Variants in GPHN observed in about 807,000 individuals in gnomAD.
GPHN encodes the protein gephyrin.
GPHN carries 17 observed loss-of-function variants against 95.5 expected under a neutral mutation model. The observed-to-expected ratio is 0.18, with a 90% confidence interval of 0.12 to 0.27. The LOEUF (loss-of-function observed/expected upper bound fraction) is 0.27, where lower values mean the gene tolerates loss of function less well. Among genes scored for constraint, GPHN ranks in the 10% least tolerant of loss-of-function variants. The pLI is 1.00. For synonymous variants in GPHN, 320 were observed against 322.5 expected, an observed-to-expected ratio of 0.99 and a Z score of 0.08; for missense variants, 660 against 978.1, an observed-to-expected ratio of 0.67 and a Z score of 4.34.
the GPHN span, among the ~76,000 whole-genome samples, chr14:67,359,492 G>A: frequency 6.6e-6 from 1 of 152,078 alleles, no homozygotes; most frequent in Non-Finnish European, 1.5e-5. Context: ...GGAGGAATGC[G>A]CGAAGAGGCC....
chr14:67,607,171 TTGAG>T, the GPHN span, among the ~76,000 whole-genome samples: 1 of 152,212 alleles, frequency 6.6e-6, no homozygotes, highest in Admixed American at 6.5e-5. Context: ...TAACTCTTAA[TTGAG>T]TAAGTATATA....
chr14:66,682,460 A>C (rs1292860274), intron 2 of GPHN, among the ~76,000 whole-genome samples: 1 of 152,224 alleles, frequency 6.6e-6, no homozygotes, highest in Non-Finnish European at 1.5e-5. Context: ...AATGAATAAA[A>C]TAAATTACTG....
At chr14:67,285,891 T>C in the GPHN span, among the ~76,000 whole-genome samples, 1 of 152,278 alleles carries the variant, frequency 6.6e-6, no homozygotes, top group South Asian at 2.1e-4. Flanking sequence ...ATGTGTATGT[T>C]TGTATTCATC....
chr14:67,643,008 G>T, the GPHN span, among the ~76,000 whole-genome samples: 9 of 151,924 alleles, frequency 5.9e-5, no homozygotes, highest in Admixed American at 1.3e-4. Context: ...TGGCCATGTT[G>T]CCCAGACTGG....
chr14:67,639,201 T>C, the GPHN span, among the ~76,000 whole-genome samples: 9 of 152,220 alleles, frequency 5.9e-5, no homozygotes, highest in African/African-American at 1.9e-4. Context: ...TTTTTTCTAA[T>C]ACAAGTGAGT....
Position 66,508,327 on chromosome 14 carries a change from C to G in GPHN, c.-201C>G, listed in dbSNP as rs2139640766. On this transcript the variant is annotated 5_prime_UTR_variant, in exon 1 of 23. Transcript: ENST00000478722. ...CGCGCCCTGACTCCTTCCCCTCCCG[C>G]GGACCCGCGCACTCCCGGCGCGGCC... 1.6e-6 allele frequency: 1 copy of G among 613,584 alleles called. No individual in the cohort carries two copies. The highest frequency in any genetic ancestry group is 1.9e-5 in the South Asian group (1 of 53,188). 38.0% of individuals were successfully genotyped at this position (613,584 alleles called of 1,614,324 possible).
At chr14:66,857,537 C>A (rs992128148) in intron 4 of GPHN, among the ~76,000 whole-genome samples, 6 of 152,018 alleles carry the variant, frequency 3.9e-5, no homozygotes, top group Non-Finnish European at 8.8e-5. Flanking sequence ...AAGGAAATAA[C>A]GAGAATTGTT....
intron 3 of GPHN, among the ~76,000 whole-genome samples, chr14:66,794,708 C>G (rs1005023148): frequency 1.3e-5 from 2 of 152,008 alleles, no homozygotes; most frequent in African/African-American, 4.8e-5. Flanking sequence ...CCTTTATGGC[C>G]CAGTAGATTG....
chr14:67,208,185 G>A, the GPHN span: 1 of 1,612,348 alleles, frequency 6.2e-7, no homozygotes, highest in Non-Finnish European at 8.5e-7. Context: ...ATTTGCTGCT[G>A]CTTTTTATTT....
intron 8 of GPHN, among the ~76,000 whole-genome samples, chr14:66,954,605 A>G (rs2068355945): frequency 6.6e-6 from 1 of 152,144 alleles, no homozygotes; most frequent in African/African-American, 2.4e-5. Context: ...TCCAATTTGA[A>G]GCCTTTTATT....
In GPHN at chr14:66,785,804, T is replaced by C. The variant is rs931378306; in HGVS notation, c.201+9283T>C. 2.7e-5 allele frequency among the ~76,000 whole-genome samples: 4 copies of C among 148,526 alleles called. No homozygotes were observed. The East Asian group carries it at 7.8e-4, about 29-fold the overall frequency. On this transcript the variant is annotated intron_variant, in intron 3 of 22. Transcript: ENST00000478722. The stretch of plus-strand genomic sequence containing the variant: ...CAGAGGAAATTAAAAGATACTCTAG[T>C]AAATAATCAAATAAGATGTCTCAAA...
At chr14:67,210,633 T>C in the GPHN span, among the ~76,000 whole-genome samples, 1 of 152,066 alleles carries the variant, frequency 6.6e-6, no homozygotes, top group South Asian at 2.1e-4. Flanking sequence ...AAACTTTCGT[T>C]ATATAATTGA....
the GPHN span, chr14:67,393,319 A>G: frequency 7.5e-6 from 7 of 939,596 alleles, no homozygotes; most frequent in Non-Finnish European, 1.1e-5. Context: ...AGTCACTGCT[A>G]AGGGTATAAA....
At chr14:67,695,299 C>G in the GPHN span, among the ~76,000 whole-genome samples, 1 of 152,200 alleles carries the variant, frequency 6.6e-6, no homozygotes, top group Non-Finnish European at 1.5e-5. Flanking sequence ...CGGGCCATAT[C>G]CCATTGAAGA....
intron 9 of GPHN, among the ~76,000 whole-genome samples, chr14:66,976,315 T>G (rs375047290): frequency 6.6e-6 from 1 of 152,224 alleles, no homozygotes; most frequent in Non-Finnish European, 1.5e-5. Flanking sequence ...TAGCATTCAG[T>G]ATAATTAAAT....
chr14:67,399,703 A>G, the GPHN span, among the ~76,000 whole-genome samples: 2 of 130,802 alleles, frequency 1.5e-5, no homozygotes, highest in Non-Finnish European at 1.5e-5. Flanking sequence ...GGTGGCAGGA[A>G]TAAAGAGAAG....
rs2140865003 is a variant in GPHN, at chr14:66,603,452, G to C, written c.65-77655G>C. Reference sequence around the variant, plus strand: ...TATGCCACCAAAAATTTAGTTCAAAGTCATTTAAAATGGTTATATAATTTT... The same window carrying C: ...TATGCCACCAAAAATTTAGTTCAAACTCATTTAAAATGGTTATATAATTTT... On this transcript the variant is annotated intron_variant, in intron 1 of 22. Coordinates refer to ENST00000478722, the MANE Select transcript of GPHN (RefSeq NM_020806.5). 1.3e-5 allele frequency among the ~76,000 whole-genome samples: 2 copies of C among 151,928 alleles called. 1 individual carries two copies. The highest frequency in any genetic ancestry group is 4.2e-4 in the South Asian group (2 of 4,818).
chr14:67,158,137 T>C (rs1272495070), intron 18 of GPHN, among the ~76,000 whole-genome samples: 2 of 151,818 alleles, frequency 1.3e-5, no homozygotes, highest in Admixed American at 6.6e-5. Context: ...TGAAACAGTG[T>C]CTCTACTAAA....
the GPHN span, among the ~76,000 whole-genome samples, chr14:67,521,904 C>T: frequency 5.3e-5 from 8 of 152,106 alleles, no homozygotes; most frequent in African/African-American, 1.9e-4. Context: ...AAGCCGGGCA[C>T]GGTGGCTCAT....
Sources: allele counts gnomAD v4.1 joint callset (sites outside exome capture counted in the v4.1 genomes callset), GRCh38; gene constraint gnomAD v4.1.1; transcripts MANE v1.5; gene names NCBI Gene and HGNC (gene_info 2026-07-23, HGNC 2026-07-21).